SPECC1: variants seen among roughly 807,000 people sequenced by gnomAD.
SPECC1 encodes the protein cytospin-B.
SPECC1 carries 62 observed loss-of-function variants against 104.1 expected under a neutral mutation model. The observed-to-expected ratio is 0.60, with a 90% CI of 0.49 to 0.74. The LOEUF is 0.74. Ranked by LOEUF, SPECC1 falls within the 30% of genes least tolerant of loss-of-function variation. The pLI is 0.00. For synonymous variants in SPECC1, 513 were observed against 501.6 expected (o/e 1.02, Z -0.30); for missense variants, 1,306 against 1,310.5 (o/e 1.00, Z 0.05).
At chr17:20,146,825 GAACCC>G (rs1176553143) in intron 3 of SPECC1, among the ~76,000 whole-genome samples, 1 of 152,122 alleles carries the variant, frequency 6.6e-6, no homozygotes, top group Non-Finnish European at 1.5e-5. Flanking sequence ...AGAATTGCTT[GAACCC>G]AGGAGGTGGA....
chr17:20,282,415 C>T (rs2151675100), intron 12 of SPECC1, among the ~76,000 whole-genome samples: 1 of 152,306 alleles, frequency 6.6e-6, no homozygotes, highest in African/African-American at 2.4e-5. Flanking sequence ...TCGGTGCTTT[C>T]AGTGTGGATA....
At chr17:20,284,131 T>C (rs1427896591) in intron 12 of SPECC1, among the ~76,000 whole-genome samples, 6 of 152,190 alleles carry the variant, frequency 3.9e-5, no homozygotes, top group Admixed American at 3.9e-4. Flanking sequence ...GGAACTCATC[T>C]CTAGGAAACA....
At chr17:20,236,856 A>G (rs761839469) in intron 7 of SPECC1, 1 of 1,613,768 alleles carries the variant, frequency 6.2e-7, no homozygotes, top group Non-Finnish European at 8.5e-7. Flanking sequence ...TTCTATTTTC[A>G]CAGCTCCCTG....
intron 3 of SPECC1, among the ~76,000 whole-genome samples, chr17:20,197,588 C>G (rs1413575371): frequency 6.6e-6 from 1 of 152,178 alleles, no homozygotes; most frequent in Non-Finnish European, 1.5e-5. Flanking sequence ...ATTTTTAGAT[C>G]TAACTATGAC....
chr17:20,297,889 T>C (rs975456919), intron 13 of SPECC1, among the ~76,000 whole-genome samples: 5 of 152,374 alleles, frequency 3.3e-5, no homozygotes, highest in African/African-American at 1.2e-4. Flanking sequence ...AGAGACGTTC[T>C]ATGCCCTCAT....
chr17:20,034,484 G>A (rs979924078), intron 1 of SPECC1, among the ~76,000 whole-genome samples: 5 of 152,086 alleles, frequency 3.3e-5, no homozygotes, highest in Non-Finnish European at 7.4e-5. Context: ...CTTTCATCTA[G>A]TTGACCAAAG....
At chr17:20,228,446 T>C (rs2038370846) in intron 5 of SPECC1, among the ~76,000 whole-genome samples, 1 of 152,200 alleles carries the variant, frequency 6.6e-6, no homozygotes. Context: ...GGCCACATGT[T>C]AGGATACTTT....
chr17:20,283,923 A>T (rs973758275), intron 12 of SPECC1, among the ~76,000 whole-genome samples: 2 of 152,160 alleles, frequency 1.3e-5, no homozygotes, highest in African/African-American at 4.8e-5. Context: ...TATTTTGAGT[A>T]TTAGTCGTTT....
At chr17:20,071,655 G>A (rs981415200) in intron 1 of SPECC1, among the ~76,000 whole-genome samples, 2 of 152,122 alleles carry the variant, frequency 1.3e-5, no homozygotes, top group African/African-American at 4.8e-5. Context: ...AATTTGGGGG[G>A]CGACTGTAAC....
Position 20,314,640 on chromosome 17 carries a change from A to G in SPECC1, c.*575A>G, listed in dbSNP as rs1314529861. Reference sequence around the variant, plus strand: ...GTGTGAAAGAGCCAGACCCTGTCTCAAAAAAATGATAAAACCCAAAACTTT... The same window carrying G: ...GTGTGAAAGAGCCAGACCCTGTCTCGAAAAAATGATAAAACCCAAAACTTT... On this transcript the variant is annotated 3_prime_UTR_variant, in exon 15 of 15. Transcript: ENST00000395527. The G allele has an allele frequency of 8.7e-6, 2 of 231,058 alleles. No individual in the cohort carries two copies. The highest frequency in any genetic ancestry group is 1.7e-5 in the Non-Finnish European group (2 of 116,856). 14.3% of individuals were successfully genotyped at this position (231,058 alleles called of 1,614,324 possible).
rs1047134359 is a variant in SPECC1, at chr17:20,046,139, T to C, written c.-22+36715T>C. ...AGTTTTAATTTTTTTAGAGACAGTT[T>C]CTTGCCGTGTTGCCTAGGCTGAGTC... is the stretch of plus-strand genomic sequence containing the variant. On this transcript the variant is annotated intron_variant, in intron 1 of 14. Transcript: ENST00000395527. Among the ~76,000 whole-genome samples, 3 of 152,134 alleles carry C rather than the reference T, an allele frequency of 2.0e-5. No homozygotes were observed. The East Asian group carries it at 5.8e-4, about 29-fold the overall frequency.
intron 11 of SPECC1, among the ~76,000 whole-genome samples, chr17:20,258,257 T>C (rs1462348823): frequency 6.6e-6 from 1 of 152,156 alleles, no homozygotes; most frequent in African/African-American, 2.4e-5. Context: ...TGAAGAGGCA[T>C]TTTGAAATCA....
rs1442571639 is a variant in SPECC1, at chr17:20,210,512, CCA to C, written c.1863+4601_1863+4602del. 2.0e-5 allele frequency among the ~76,000 whole-genome samples: 3 copies of C among 152,230 alleles called. No individual in the cohort carries two copies. In the East Asian group the frequency reaches 5.8e-4, roughly 29 times the overall value. On this transcript the variant is annotated intron_variant, in intron 4 of 14. Transcript: ENST00000395527. ...CTGGGTCCTATGGGGAGAGGGTTTC[CCA>C]GAGCTTTACCTTTACATCTGATTGG...
At position 20,234,182 on chromosome 17, in the gene SPECC1, G is replaced by T. The variant is rs79274983; in HGVS notation, c.2351+1777G>T. The stretch of plus-strand genomic sequence containing the variant: ...AACGTCACGTTTTTTTTTAAGCACA[G>T]AATGTTTCTTTTTTGATTTTCCAGT... On this transcript the variant is annotated intron_variant, in intron 7 of 14. Transcript: ENST00000395527. Among the ~76,000 whole-genome samples the T allele has an allele frequency of 1.2e-3, 176 of 152,132 alleles. 2 individuals are homozygous for T. Among genetic ancestry groups the T allele is most frequent in the East Asian group, 8.5e-3 (44 of 5,174 alleles).
rs1280851999 is a variant in SPECC1 at position 20,099,718 on chromosome 17, AAAC to A, written c.147+2921_147+2923del. ...TCAAAAAAAAAAAAAAAAAAAAAAAAAACCCACAAAATATATAAAATAAGGCCG... is the reference window on the plus strand; with the variant it reads ...TCAAAAAAAAAAAAAAAAAAAAAAAACCACAAAATATATAAAATAAGGCCG... On this transcript the variant is annotated intron_variant, in intron 2 of 14. Transcript: ENST00000395527. Among the ~76,000 whole-genome samples the A allele has an allele frequency of 2.5e-3, 372 of 147,956 alleles. 36 individuals are homozygous for A. Among genetic ancestry groups the A allele is most frequent in the African/African-American group, 8.0e-3 (318 of 39,680 alleles).
At chr17:20,152,897 C>A (rs991665877) in intron 3 of SPECC1, among the ~76,000 whole-genome samples, 8 of 152,176 alleles carry the variant, frequency 5.3e-5, no homozygotes, top group African/African-American at 1.9e-4. Flanking sequence ...GATCTCTTGA[C>A]CTCGTGATCT....
chr17:20,240,220 T>C (rs1354166426), intron 7 of SPECC1, among the ~76,000 whole-genome samples: 1 of 151,506 alleles, frequency 6.6e-6, no homozygotes, highest in Admixed American at 6.6e-5. Flanking sequence ...CCCAGCCCTT[T>C]CTAAGCACAT....
At chr17:20,175,263 A>C (rs983406168) in intron 3 of SPECC1, among the ~76,000 whole-genome samples, 1 of 152,190 alleles carries the variant, frequency 6.6e-6, no homozygotes, top group Non-Finnish European at 1.5e-5. Context: ...CATTTGCCCT[A>C]AGCCAGCACA....
chr17:20,312,875 CAG>C (rs984324285), intron 14 of SPECC1, among the ~76,000 whole-genome samples: 3 of 152,162 alleles, frequency 2.0e-5, no homozygotes, highest in Non-Finnish European at 4.4e-5. Context: ...GATTTTGAAT[CAG>C]GGGATGAATG....
Sources: gnomAD v4.1 joint callset for allele counts (sites outside exome capture counted in the v4.1 genomes callset) on GRCh38, gnomAD v4.1.1 for gene constraint, MANE v1.5 for transcripts, NCBI Gene and HGNC (gene_info 2026-07-23, HGNC 2026-07-21) for gene names.